MLKL: variants seen among roughly 807,000 people sequenced by gnomAD.
MLKL encodes mixed lineage kinase domain like pseudokinase, also known as mixed lineage kinase domain-like protein.
A neutral mutation model predicts 56.5 loss-of-function variants in MLKL; 55 were observed. The observed-to-expected ratio is 0.97, with a 90% confidence interval of 0.78 to 1.22. The LOEUF is 1.22. MLKL is among the 50% of genes most tolerant of loss of function. The pLI is 0.00. For synonymous variants in MLKL, 251 were observed against 208.3 expected (o/e 1.20, Z -1.76); for missense variants, 694 against 573.9 (o/e 1.21, Z -2.14).
In MLKL at chr16:74,678,892, C is replaced by T. The variant is rs777387465; in HGVS notation, c.1038+7G>A. The T allele has an allele frequency of 6.2e-7, 1 of 1,613,794 alleles. No individual in the cohort carries two copies. The highest frequency in any genetic ancestry group is 8.5e-7 in the Non-Finnish European group (1 of 1,179,696). On this transcript the variant is annotated splice_region_variant and intron_variant, in intron 7 of 10. Coordinates refer to ENST00000308807, the MANE Select transcript of MLKL (RefSeq NM_152649.4). ...TGACCCAAAGCGCCCCCGCAAGGCA[C>T]ACTCACCTTCACTTGGTAGCCTTGA...
At chr16:74,692,272 TG>T in intron 3 of MLKL, 69 bp downstream of exon 3, 2 of 1,370,714 alleles carry the variant, frequency 1.5e-6, no homozygotes, top group South Asian at 1.2e-5. Context: ...AGCGGGAGGC[TG>T]GGGTCCCAGT....
At position 74,695,296 on chromosome 16, in the gene MLKL, G is replaced by C. The variant is rs764118642; in HGVS notation, c.460+2C>G. 3.1e-6 allele frequency: 5 copies of C among 1,612,274 alleles called. No homozygotes were observed. The highest frequency in any genetic ancestry group is 1.7e-5 in the Admixed American group (1 of 59,986). ...CCACTCCCCACCAAAGACCCAGCTT[G>C]CCTCTTCTTAGCATCTGGAAAGCTC... On this transcript the variant is annotated splice_donor_variant, in intron 2 of 10. Transcript: ENST00000308807. LOFTEE classifies it high-confidence loss of function.
At chr16:74,696,129 G>A (rs868862398) in intron 1 of MLKL, among the ~76,000 whole-genome samples, 6 of 152,300 alleles carry the variant, frequency 3.9e-5, no homozygotes, top group African/African-American at 1.4e-4. Context: ...GGGGTGAAGC[G>A]GCCCTGGGGT....
At chr16:74,695,217 A>G in intron 2 of MLKL, 81 bp downstream of exon 2, 2 of 1,417,826 alleles carry the variant, frequency 1.4e-6, no homozygotes, top group Non-Finnish European at 1.9e-6. Flanking sequence ...AAACTTCATC[A>G]TTGCTGCTCC....
chr16:74,695,098 T>C (rs1265286598), intron 2 of MLKL, among the ~76,000 whole-genome samples, 200 bp downstream of exon 2: 1 of 152,178 alleles, frequency 6.6e-6, no homozygotes, highest in African/African-American at 2.4e-5. Flanking sequence ...GGTCTCAGTC[T>C]CCTGACCTAG....
Position 74,675,030 on chromosome 16 carries a change from G to T in MLKL, c.1311C>A (p.Cys437Ter), listed in dbSNP as rs1211951596. 2.5e-6 allele frequency: 4 copies of T among 1,614,024 alleles called. No homozygotes were observed. The highest frequency in any genetic ancestry group is 3.4e-6 in the Non-Finnish European group (4 of 1,180,020). The change falls in exon 10 of 11, where the codon TGC becomes TGA. Residue 437 changes from cysteine (C) to a stop codon, truncating the protein, a stop_gained. Transcript: ENST00000308807. LOFTEE classifies it high-confidence loss of function. ...KRQQEPLGED[C>*]PSELREIIDE... is the part of the protein sequence containing the mutation. ...CAATGATCTCCCGCAGCTCTGAAGG[G>T]CAGTCTTCACCCAGTGGCTCCTGCT...
At chr16:74,679,228 G>A (rs531836470) in intron 6 of MLKL, among the ~76,000 whole-genome samples, 1 of 152,318 alleles carries the variant, frequency 6.6e-6, no homozygotes, top group Admixed American at 6.5e-5. Flanking sequence ...CATCAGGGGT[G>A]CCTTTAGGTA....
intron 1 of MLKL, among the ~76,000 whole-genome samples, chr16:74,697,193 C>G (rs1010979810): frequency 4.6e-5 from 7 of 151,562 alleles, no homozygotes; most frequent in Non-Finnish European, 8.8e-5. Context: ...TCTCTCTTCT[C>G]TGAACATGAG....
chr16:74,685,208 C>A (rs546789319), intron 5 of MLKL, among the ~76,000 whole-genome samples: 1 of 152,142 alleles, frequency 6.6e-6, no homozygotes, highest in South Asian at 2.1e-4. Context: ...CTCTTCCAGG[C>A]TGGCATCTAA....
At chr16:74,673,786 G>A (rs1274879291) in intron 10 of MLKL, among the ~76,000 whole-genome samples, 1 of 151,922 alleles carries the variant, frequency 6.6e-6, no homozygotes, top group Non-Finnish European at 1.5e-5. Context: ...AAGACAAAAA[G>A]ACAACAAGAT....
intron 6 of MLKL, among the ~76,000 whole-genome samples, chr16:74,681,817 A>G (rs139956846): frequency 5.9e-5 from 9 of 152,150 alleles, no homozygotes; most frequent in African/African-American, 2.2e-4. Context: ...AAGAAAAGAA[A>G]AAAACACAAG....
intron 4 of MLKL, among the ~76,000 whole-genome samples, chr16:74,690,990 A>G (rs1471135584): frequency 6.6e-6 from 1 of 151,960 alleles, no homozygotes. Context: ...CAAACAAAAC[A>G]CACTAGAACT....
intron 4 of MLKL, among the ~76,000 whole-genome samples, chr16:74,688,112 CTG>C (rs1960447028): frequency 6.6e-6 from 1 of 152,156 alleles, no homozygotes; most frequent in South Asian, 2.1e-4. Context: ...TCGTGAGCCA[CTG>C]CGCCCAGCCA....
intron 6 of MLKL, among the ~76,000 whole-genome samples, chr16:74,680,631 C>G (rs553980262): frequency 1.3e-5 from 2 of 152,120 alleles, no homozygotes; most frequent in Non-Finnish European, 2.9e-5. Context: ...CTCAGCCTTA[C>G]GAGTAGCTGG....
At chr16:74,679,078 T>C (rs762242516) in intron 6 of MLKL, 98 bp from the exon 7 acceptor site, 17 of 897,400 alleles carry the variant, frequency 1.9e-5, no homozygotes, top group Non-Finnish European at 3.1e-5. Flanking sequence ...GACAGTACCA[T>C]GGGTGCCTGT....
At chr16:74,693,303 A>G (rs1220419265) in intron 2 of MLKL, among the ~76,000 whole-genome samples, 1 of 151,940 alleles carries the variant, frequency 6.6e-6, no homozygotes, top group African/African-American at 2.4e-5. Context: ...CCCCGTCTCT[A>G]CTAAAAATAC....
intron 6 of MLKL, among the ~76,000 whole-genome samples, chr16:74,680,791 T>C (rs1959921308): frequency 6.6e-6 from 1 of 152,008 alleles, no homozygotes. Context: ...AGACGTGAGC[T>C]ACTGCGCCCA....
At chr16:74,674,787 T>G (rs898289095) in intron 10 of MLKL, among the ~76,000 whole-genome samples, 173 bp downstream of exon 10, 1 of 152,100 alleles carries the variant, frequency 6.6e-6, no homozygotes, top group African/African-American at 2.4e-5. Context: ...GCACACTCCA[T>G]CCTACCTCCC....
chr16:74,691,357 G>T lies in MLKL; in HGVS notation c.642C>A (p.Val214=). 6.2e-7 allele frequency: 1 copy of T among 1,614,096 alleles called. No individual in the cohort carries two copies. The highest frequency in any genetic ancestry group is 1.3e-5 in the African/African-American group (1 of 75,006). The change falls in exon 4 of 11, where the codon GTC becomes GTA. Residue 214 remains valine, a synonymous_variant. Transcript: ENST00000308807. ...SPWILLRENE[V]STLYKGEYHR... ...GGTATTCTCCTTTATAAAGTGTGCTGACTTCATTTTCCCTTAGCAGAATCC... is the reference window on the plus strand; with the variant it reads ...GGTATTCTCCTTTATAAAGTGTGCTTACTTCATTTTCCCTTAGCAGAATCC...
Sources: gnomAD v4.1 joint callset for allele counts (sites outside exome capture counted in the v4.1 genomes callset) on GRCh38, gnomAD v4.1.1 for gene constraint, MANE v1.5 for transcripts, NCBI Gene and HGNC (gene_info 2026-07-23, HGNC 2026-07-21) for gene names.